The following TUSC3 variants were observed in gnomAD, a reference collection of about 807,000 sequenced individuals.
TUSC3 encodes tumor suppressor candidate 3.
Under a neutral mutation model 44.8 loss-of-function variants are expected in TUSC3, and 45 were observed. That is an observed-to-expected ratio of 1.00 (90% CI 0.79 to 1.29). The LOEUF is 1.29. TUSC3 is among the 50% of genes most tolerant of loss of function. The pLI, the probability that TUSC3 is intolerant of heterozygous loss-of-function variation, is 0.00. For synonymous variants in TUSC3, 212 were observed against 152.9 expected (o/e 1.39, Z -2.85); for missense variants, 519 against 437.9 (o/e 1.19, Z -1.65).
chr8:15,589,026 T>G (rs1371732056), intron 1 of TUSC3, among the ~76,000 whole-genome samples: 2 of 152,220 alleles, frequency 1.3e-5, no homozygotes, highest in African/African-American at 4.8e-5. Context: ...TAGGATTGTT[T>G]TGGTTATTCG....
intron 1 of TUSC3, among the ~76,000 whole-genome samples, chr8:15,585,572 G>C (rs545999213): frequency 1.3e-5 from 2 of 152,142 alleles, no homozygotes; most frequent in African/African-American, 4.8e-5. Flanking sequence ...TGCATAAAGC[G>C]TGAATTTCTT....
intron 7 of TUSC3, among the ~76,000 whole-genome samples, chr8:15,740,687 T>G (rs1213213238): frequency 2.0e-5 from 3 of 152,186 alleles, no homozygotes; most frequent in African/African-American, 4.8e-5. Context: ...TAAGAAAACT[T>G]GAACTAACAT....
At chr8:15,517,470 A>G (rs1801233289) in intron 2 of TUSC3, among the ~76,000 whole-genome samples, 1 of 148,252 alleles carries the variant, frequency 6.7e-6, no homozygotes, top group South Asian at 2.2e-4. Context: ...GATGGTAAAT[A>G]ATGACTGAAA....
chr8:15,509,257 C>T lies in TUSC3; in HGVS notation n.189+25774C>T, dbSNP rs78130757. On this transcript the variant is annotated intron_variant and non_coding_transcript_variant, in intron 2 of 5. Coordinates refer to the TUSC3 transcript ENST00000503191. ...TGATGCTCTTGTCAATAAATTAAAC[C>T]ACAGCCATCTAAGTTAGTTTCCTTA... Among the ~76,000 whole-genome samples the T allele has an allele frequency of 6.1e-3, 926 of 152,284 alleles. 6 individuals are homozygous for T. Among genetic ancestry groups the T allele is most frequent in the African/African-American group, 0.021 (890 of 41,574 alleles).
chr8:15,723,714 T>A (rs553076517), intron 6 of TUSC3, among the ~76,000 whole-genome samples: 1 of 152,236 alleles, frequency 6.6e-6, no homozygotes, highest in South Asian at 2.1e-4. Flanking sequence ...AGAGTGGGAT[T>A]TAAGCTTATT....
chr8:15,555,276 A>ATTTTTTTTTTTTTTTTTTTT (rs35757466), intron 1 of TUSC3, among the ~76,000 whole-genome samples: 3 of 44,890 alleles, frequency 6.7e-5, no homozygotes, highest in African/African-American at 3.3e-4. Flanking sequence ...TGCCAGGCTA[A>ATTTTTTTTTTTTTTTTTTTT]TTTTTTTTTT....
intron 2 of TUSC3, among the ~76,000 whole-genome samples, chr8:15,640,898 C>T (rs1806336458): frequency 6.6e-6 from 1 of 152,000 alleles, no homozygotes; most frequent in African/African-American, 2.4e-5. Flanking sequence ...TCTGTGTGTT[C>T]AAAAAGGTTT....
At chr8:15,819,215 G>C in the TUSC3 span, among the ~76,000 whole-genome samples, 3 of 152,122 alleles carry the variant, frequency 2.0e-5, no homozygotes, top group Non-Finnish European at 2.9e-5. Context: ...AATGGTAGTA[G>C]ACTGCACATC....
the TUSC3 span, among the ~76,000 whole-genome samples, chr8:15,836,118 CTAT>C: frequency 6.6e-6 from 1 of 150,936 alleles, no homozygotes; most frequent in Non-Finnish European, 1.5e-5. Flanking sequence ...TATTCTCATA[CTAT>C]TGTTTAATTT....
intron 1 of TUSC3, among the ~76,000 whole-genome samples, chr8:15,479,355 G>C (rs1349426287): frequency 1.3e-5 from 2 of 151,982 alleles, no homozygotes; most frequent in East Asian, 3.9e-4. Context: ...TGATATTTTT[G>C]CCCGTGCCTA....
At chr8:15,775,645 T>TATATATAC in the TUSC3 span, among the ~76,000 whole-genome samples, 169 of 134,502 alleles carry the variant, frequency 1.3e-3, no homozygotes, top group Middle Eastern at 3.9e-3. Flanking sequence ...TATATATATA[T>TATATATAC]ATATACACAC....
chr8:15,540,055 C>T (rs936273452), upstream of TUSC3, among the ~76,000 whole-genome samples: 1 of 152,178 alleles, frequency 6.6e-6, no homozygotes, highest in Non-Finnish European at 1.5e-5. Flanking sequence ...GCTGGACTAC[C>T]CAGTAATTGG....
At chr8:15,510,490 T>C (rs745514301) in intron 2 of TUSC3, among the ~76,000 whole-genome samples, 6 of 152,144 alleles carry the variant, frequency 3.9e-5, no homozygotes, top group Non-Finnish European at 8.8e-5. Context: ...TCACAACTTA[T>C]GTGAAATACA....
At chr8:15,465,141 C>T (rs1800398202) in intron 1 of TUSC3, among the ~76,000 whole-genome samples, 1 of 152,200 alleles carries the variant, frequency 6.6e-6, no homozygotes, top group South Asian at 2.1e-4. Context: ...GCCACTGTGC[C>T]TGGTCAAAGA....
intron 6 of TUSC3, among the ~76,000 whole-genome samples, chr8:15,690,471 ACTT>A (rs1294849664): frequency 6.6e-6 from 1 of 151,896 alleles, no homozygotes; most frequent in Non-Finnish European, 1.5e-5. Context: ...GCTGTTGATA[ACTT>A]CTTCTGGTGT....
At chr8:15,569,820 C>T (rs1585111255) in intron 1 of TUSC3, among the ~76,000 whole-genome samples, 1 of 152,050 alleles carries the variant, frequency 6.6e-6, no homozygotes, top group African/African-American at 2.4e-5. Flanking sequence ...GTGTCACACT[C>T]TTGTGTATGA....
chr8:15,767,261 A>G (rs564932124), downstream of TUSC3, among the ~76,000 whole-genome samples: 3 of 152,220 alleles, frequency 2.0e-5, no homozygotes, highest in South Asian at 6.2e-4. Context: ...CAAGGGTCCA[A>G]CTACTATACA....
In TUSC3 at chr8:15,625,722, C is replaced by T. The variant is rs149262895; in HGVS notation, c.308+2473C>T. On this transcript the variant is annotated intron_variant, in intron 2 of 10. Coordinates refer to ENST00000503731, the MANE Select transcript of TUSC3 (RefSeq NM_006765.4). ...GTCAATGTAAAAAATCAGTTTTACT[C>T]AGGTTAGGTGGTAGAAAGGGAATGA... is the stretch of plus-strand genomic sequence containing the variant. Among the ~76,000 whole-genome samples the T allele has an allele frequency of 6.6e-5, 10 of 152,240 alleles. No homozygotes were observed. The East Asian group carries it at 1.9e-3, about 29-fold the overall frequency.
At chr8:15,559,465 A>G (rs1378204762) in intron 1 of TUSC3, among the ~76,000 whole-genome samples, 2 of 147,342 alleles carry the variant, frequency 1.4e-5, no homozygotes, top group Admixed American at 6.8e-5. Flanking sequence ...GGTGCTGACA[A>G]AAATGTATAT....
Sources: gnomAD v4.1 joint callset for allele counts (sites outside exome capture counted in the v4.1 genomes callset) on GRCh38, gnomAD v4.1.1 for gene constraint, MANE v1.5 for transcripts, NCBI Gene and HGNC (gene_info 2026-07-23, HGNC 2026-07-21) for gene names.